Variants in TOMM70 observed in about 807,000 individuals in gnomAD.
The protein encoded by TOMM70 is mitochondrial import receptor subunit TOM70.
TOMM70 carries 13 observed loss-of-function variants against 73.6 expected under a neutral mutation model. That is an observed-to-expected ratio of 0.18 (90% confidence interval 0.11 to 0.28). The LOEUF (loss-of-function observed/expected upper bound fraction) is 0.28, where lower values mean the gene tolerates loss of function less well. Ranked by LOEUF, TOMM70 falls within the 10% of genes least tolerant of loss-of-function variation. The pLI is 1.00. For missense variants in TOMM70, 609 were observed against 747.5 expected (o/e 0.81, Z 2.16); for synonymous variants, 257 against 271.2 (o/e 0.95, Z 0.51).
rs1236427912 is a variant in TOMM70 at position 100,364,324 on chromosome 3, A to C, written c.*1240T>G. On this transcript the variant is annotated 3_prime_UTR_variant, in exon 12 of 12. Transcript: ENST00000284320. ...CTACATGTCCTCAGCATCTTCAAAA[A>C]TAAGTGGCTCAAAATTCCTTAAGCA... 1 of 152,188 alleles carries C rather than the reference A, an allele frequency of 6.6e-6. No individual in the cohort carries two copies. Among genetic ancestry groups the C allele is most frequent in the Non-Finnish European group, 1.5e-5 (1 of 68,046 alleles). The allele number at this position is 152,188 out of a possible 1,614,324, so 9.4% of individuals were successfully genotyped here.
chr3:100,378,061 A>G (rs1706586000), intron 5 of TOMM70, 149 bp from the exon 6 acceptor site: 1 of 608,428 alleles, frequency 1.6e-6, no homozygotes, highest in Non-Finnish European at 2.8e-6. Context: ...CCTGGCCAAC[A>G]TGGTGAAACC....
At chr3:100,370,759 A>G (rs1706500873) in intron 9 of TOMM70, among the ~76,000 whole-genome samples, 1 of 152,244 alleles carries the variant, frequency 6.6e-6, no homozygotes. Flanking sequence ...ATTTGAGTGC[A>G]AACTGACTGT....
In TOMM70 at chr3:100,386,871, G is replaced by A. The variant is rs1706698307; in HGVS notation, c.432C>T (p.Cys144=). The change falls in exon 2 of 12, where the codon TGC becomes TGT. Residue 144 remains cysteine, a synonymous_variant. Transcript: ENST00000284320. ...IQCYTEAISL[C]PTEKNVDLST... ...AAAGGTCAACATTCTTCTCTGTAGG[G>A]CACAAGCTAATAGCCTCAGTATAGC... 1 of 1,614,074 alleles carries A rather than the reference G, an allele frequency of 6.2e-7. No homozygotes were observed.
intron 1 of TOMM70, among the ~76,000 whole-genome samples, chr3:100,397,979 A>AAAAG: frequency 1.2e-5 from 1 of 86,388 alleles, no homozygotes; most frequent in African/African-American, 5.3e-5. Flanking sequence ...CGTGGAAAAG[A>AAAAG]GGAATTAGGA....
chr3:100,400,596 C>A, intron 1 of TOMM70, 30 bp downstream of exon 1: 1 of 1,602,092 alleles, frequency 6.2e-7, no homozygotes, highest in South Asian at 1.1e-5. Context: ...GAGCCAGTTT[C>A]CTCCTCTACG....
Position 100,375,095 on chromosome 3 carries a change from A to T in TOMM70, c.1150T>A (p.Leu384Met). 6.2e-7 allele frequency: 1 copy of T among 1,610,688 alleles called. No individual in the cohort carries two copies. Among genetic ancestry groups the T allele is most frequent in the Non-Finnish European group, 8.5e-7 (1 of 1,178,730 alleles). ...ATGTTAAAATCTTGAGTGGACAGCAAAGGCTGCTGCTGTTGCATGTACATG... is the reference window on the plus strand; with the variant it reads ...ATGTTAAAATCTTGAGTGGACAGCATAGGCTGCTGCTGTTGCATGTACATG... Reference protein sequence around the residue: ...GSMYMQQQQPLLSTQDFNMAA... With the variant: ...GSMYMQQQQPMLSTQDFNMAA... The change falls in exon 7 of 12, where the codon TTG becomes ATG. Residue 384 changes from leucine to methionine, a missense_variant. This residue lies in a region of TOMM70 where 432 missense variants were observed against 584.1 expected (regional missense o/e 0.74). Coordinates refer to ENST00000284320, the MANE Select transcript of TOMM70 (RefSeq NM_014820.5).
At chr3:100,383,151 T>C (rs1305562801) in intron 4 of TOMM70, among the ~76,000 whole-genome samples, 3 of 152,168 alleles carry the variant, frequency 2.0e-5, no homozygotes, top group South Asian at 2.1e-4. Context: ...TTATGGACTC[T>C]ACCATGGTGT....
intron 1 of TOMM70, among the ~76,000 whole-genome samples, chr3:100,398,921 C>T (rs59304656): frequency 0.11 from 17,128 of 152,194 alleles, 1,474 homozygotes; most frequent in African/African-American, 0.24. Context: ...ATGCCTCACA[C>T]ACTGCAGATA....
At chr3:100,386,168 A>G (rs766876563) in intron 3 of TOMM70, 50 bp downstream of exon 3, 1 of 1,564,394 alleles carries the variant, frequency 6.4e-7, no homozygotes, top group African/African-American at 1.4e-5. Context: ...TTTACCAATG[A>G]CTACAAAATA....
chr3:100,378,199 T>C (rs1350721280), intron 5 of TOMM70, among the ~76,000 whole-genome samples: 1 of 151,004 alleles, frequency 6.6e-6, no homozygotes, highest in Non-Finnish European at 1.5e-5. Context: ...GCCGAGATGG[T>C]GCCACTGCAT....
rs1178152178 is a variant in TOMM70 at position 100,368,261 on chromosome 3, T to G, written c.1551-95A>C. On this transcript the variant is annotated intron_variant, in intron 10 of 11. Transcript: ENST00000284320. ...GACTCAATTTCTGCCTTCAATGAAC[T>G]TATAAGTTAACTTATAACTTATAAG... is the stretch of plus-strand genomic sequence containing the variant. The G allele has an allele frequency of 2.1e-6, 3 of 1,420,456 alleles. No individual in the cohort carries two copies. The Admixed American group carries it at 7.2e-5, about 34-fold the overall frequency. The allele number at this position is 1,420,456 out of a possible 1,614,324, so 88.0% of individuals were successfully genotyped here.
At chr3:100,393,310 T>C (rs146832721) in intron 1 of TOMM70, among the ~76,000 whole-genome samples, 6 of 152,278 alleles carry the variant, frequency 3.9e-5, no homozygotes, top group African/African-American at 1.4e-4. Flanking sequence ...TTAGATGGAT[T>C]TGGAGGCCAA....
At chr3:100,397,920 A>G (rs1168829643) in intron 1 of TOMM70, among the ~76,000 whole-genome samples, 1 of 151,730 alleles carries the variant, frequency 6.6e-6, no homozygotes, top group Non-Finnish European at 1.5e-5. Flanking sequence ...AAACTAAAAA[A>G]CTCTGAAATA....
intron 1 of TOMM70, among the ~76,000 whole-genome samples, chr3:100,391,603 A>G (rs965320992): frequency 1.3e-5 from 2 of 152,224 alleles, no homozygotes; most frequent in Non-Finnish European, 2.9e-5. Context: ...TTTTAAGCTA[A>G]GTGTTACTTA....
In TOMM70 at chr3:100,372,618, T is replaced by C; in HGVS notation, c.1440A>G (p.Ala480=). The C allele has an allele frequency of 6.2e-7, 1 of 1,613,584 alleles. No homozygotes were observed. Among genetic ancestry groups the C allele is most frequent in the Non-Finnish European group, 8.5e-7 (1 of 1,179,656 alleles). Residue 480 remains alanine, a synonymous_variant, in exon 9 of 12, where the codon GCA becomes GCG. Coordinates refer to ENST00000284320, the MANE Select transcript of TOMM70 (RefSeq NM_014820.5). ...KKFPRCAEGY[A]LYAQALTDQQ... is the part of the protein sequence containing the mutation. ...AAAAAACATTTACCTGGGCGTATAG[T>C]GCATAGCCTTCGGCACACCTTGGAA...
chr3:100,366,173 C>G (rs534988267), intron 11 of TOMM70, among the ~76,000 whole-genome samples: 1 of 152,334 alleles, frequency 6.6e-6, no homozygotes, highest in South Asian at 2.1e-4. Context: ...CCTTCACAGA[C>G]TGATGTGGGC....
At chr3:100,382,803 A>C (rs536676570) in intron 4 of TOMM70, among the ~76,000 whole-genome samples, 1 of 152,210 alleles carries the variant, frequency 6.6e-6, no homozygotes, top group Non-Finnish European at 1.5e-5. Flanking sequence ...AAGGGATTTA[A>C]GTATCAAAGG....
In TOMM70 at chr3:100,364,236, TGAA is replaced by T. The variant is rs1216876138; in HGVS notation, c.*1325_*1327del. The T allele has an allele frequency of 6.6e-6, 1 of 152,166 alleles. No individual in the cohort carries two copies. The highest frequency in any genetic ancestry group is 1.5e-5 in the Non-Finnish European group (1 of 68,032). The allele number at this position is 152,166 out of a possible 1,614,324, so 9.4% of individuals were successfully genotyped here. A position where few individuals can be genotyped will look rare whatever the true frequency, so the allele number is the denominator to read the frequency against. On this transcript the variant is annotated 3_prime_UTR_variant, in exon 12 of 12. Coordinates refer to ENST00000284320, the MANE Select transcript of TOMM70 (RefSeq NM_014820.5). Reference sequence around the variant, plus strand: ...GCTTAAACACTGTCAGTACCCCTAGTGAAGACCTGGACCTGGGTAGTTAGTCCT... The same window carrying T: ...GCTTAAACACTGTCAGTACCCCTAGTGACCTGGACCTGGGTAGTTAGTCCT...
intron 5 of TOMM70, 144 bp from the exon 6 acceptor site, chr3:100,378,056 C>T: frequency 1.6e-6 from 1 of 622,790 alleles, no homozygotes; most frequent in Non-Finnish European, 2.7e-6. Flanking sequence ...ACCAGCCTGG[C>T]CAACATGGTG....
Sources: gnomAD v4.1 joint callset for allele counts (sites outside exome capture counted in the v4.1 genomes callset) on GRCh38, gnomAD v4.1.1 for gene constraint, gnomAD v4.1.1 regional missense constraint, MANE v1.5 for transcripts, NCBI Gene and HGNC (gene_info 2026-07-23, HGNC 2026-07-21) for gene names.